RBFOX1: variants seen among roughly 807,000 people sequenced by gnomAD.
The protein encoded by RBFOX1 is RNA binding fox-1 homolog 1, also known as RNA binding protein fox-1 homolog 1.
Under a neutral mutation model 57.7 loss-of-function variants are expected in RBFOX1, and 8 were observed. The observed-to-expected ratio is 0.14, with a 90% CI of 0.08 to 0.25. RBFOX1 has a LOEUF of 0.25. Among genes scored for constraint, RBFOX1 ranks in the 10% least tolerant of loss-of-function variants. The pLI is 1.00. For synonymous variants in RBFOX1, 326 were observed against 222.4 expected (o/e 1.47, Z -4.15); for missense variants, 611 against 548.5 (o/e 1.11, Z -1.14).
chr16:5,365,746 C>A, intron 1 of RBFOX1: 2 of 453,116 alleles, frequency 4.4e-6, no homozygotes, highest in South Asian at 1.7e-5. Context: ...GAGCAGTGGT[C>A]ATTTATCTCT....
chr16:7,362,637 C>T (rs117239172), intron 4 of RBFOX1, among the ~76,000 whole-genome samples: 18 of 149,816 alleles, frequency 1.2e-4, no homozygotes, highest in Non-Finnish European at 1.9e-4. Flanking sequence ...GTGTTTTGTG[C>T]GTATCTTAGT....
chr16:5,886,827 G>T (rs753384001), intron 4 of RBFOX1, among the ~76,000 whole-genome samples: 4 of 152,232 alleles, frequency 2.6e-5, no homozygotes, highest in Non-Finnish European at 4.4e-5. Context: ...GGTGGAGGTT[G>T]CAGTGAGCCG....
chr16:5,259,330 G>T (rs1409669909), intron 1 of RBFOX1, among the ~76,000 whole-genome samples: 2 of 152,136 alleles, frequency 1.3e-5, no homozygotes, highest in Non-Finnish European at 2.9e-5. Flanking sequence ...GGCTCAGCTA[G>T]GACCTATGTT....
At chr16:7,667,848 ATT>A (rs1268231296) in intron 13 of RBFOX1, among the ~76,000 whole-genome samples, 1 of 151,812 alleles carries the variant, frequency 6.6e-6, no homozygotes, top group Non-Finnish European at 1.5e-5. Flanking sequence ...TAATTTTTGT[ATT>A]TTTAGTAAAG....
chr16:7,473,805 A>T (rs4141145), intron 4 of RBFOX1, among the ~76,000 whole-genome samples: 1 of 152,058 alleles, frequency 6.6e-6, no homozygotes, highest in South Asian at 2.1e-4. Context: ...ATTCTCATCT[A>T]CTAATTGCTT....
rs140798369 is a variant in RBFOX1 at position 6,104,204 on chromosome 16, A to T, written c.-127+84212A>T. ...GACAATAATTGTATATGTTTGTAGG[A>T]TACAATGTGATGTTTTGCTATCTGT... is the stretch of plus-strand genomic sequence containing the variant. On this transcript the variant is annotated intron_variant, in intron 1 of 15. Transcript: ENST00000550418. Among the ~76,000 whole-genome samples, 16 of 152,236 alleles carry T rather than the reference A, an allele frequency of 1.1e-4. No homozygotes were observed. The East Asian group carries it at 2.3e-3, about 22-fold the overall frequency.
intron 3 of RBFOX1, among the ~76,000 whole-genome samples, chr16:6,688,838 C>A (rs2059813585): frequency 6.6e-6 from 1 of 152,106 alleles, no homozygotes; most frequent in Non-Finnish European, 1.5e-5. Context: ...CTCCCTGTGT[C>A]CATGTGTTCT....
chr16:6,557,749 T>C (rs545599079), intron 2 of RBFOX1, among the ~76,000 whole-genome samples: 2 of 152,334 alleles, frequency 1.3e-5, no homozygotes, highest in South Asian at 2.1e-4. Flanking sequence ...ATAAATTGAT[T>C]TGCTGTGAAA....
At chr16:6,847,731 T>C (rs1294802307) in intron 3 of RBFOX1, among the ~76,000 whole-genome samples, 1 of 152,184 alleles carries the variant, frequency 6.6e-6, no homozygotes, top group Non-Finnish European at 1.5e-5. Flanking sequence ...AACCTGTGAA[T>C]GCTTACACAT....
At chr16:5,679,111 G>A (rs1225821799) in intron 3 of RBFOX1, among the ~76,000 whole-genome samples, 1 of 152,162 alleles carries the variant, frequency 6.6e-6, no homozygotes, top group Non-Finnish European at 1.5e-5. Context: ...GCAATACATA[G>A]CTGTTCAGCT....
intron 4 of RBFOX1, among the ~76,000 whole-genome samples, chr16:5,973,597 G>GGCCTAGTCAACCT (rs2060005498): frequency 6.6e-6 from 1 of 152,256 alleles, no homozygotes; most frequent in African/African-American, 2.4e-5. Context: ...GTGTCAGGTT[G>GGCCTAGTCAACCT]ACTAGGCCAT....
At chr16:5,727,744 G>C (rs1291534239) in intron 3 of RBFOX1, among the ~76,000 whole-genome samples, 1 of 152,184 alleles carries the variant, frequency 6.6e-6, no homozygotes, top group Admixed American at 6.5e-5. Context: ...GTTGAGTACA[G>C]TGGTGTTATC....
intron 4 of RBFOX1, among the ~76,000 whole-genome samples, chr16:7,409,959 C>G (rs1780768474): frequency 6.6e-6 from 1 of 152,162 alleles, no homozygotes; most frequent in Non-Finnish European, 1.5e-5. Context: ...GCTGACATTT[C>G]TCTAACAGTG....
chr16:6,957,235 C>T (rs1228064716), intron 3 of RBFOX1, among the ~76,000 whole-genome samples: 1 of 151,494 alleles, frequency 6.6e-6, no homozygotes, highest in Admixed American at 6.6e-5. Flanking sequence ...GGGTTCACGC[C>T]ATTCTCCTGC....
chr16:5,386,709 C>T (rs1474462277), intron 1 of RBFOX1, among the ~76,000 whole-genome samples: 1 of 152,118 alleles, frequency 6.6e-6, no homozygotes, highest in Non-Finnish European at 1.5e-5. Context: ...CTCCTTGATT[C>T]CCCCAGCAGG....
chr16:5,503,044 A>G (rs997126442), intron 2 of RBFOX1, among the ~76,000 whole-genome samples: 3 of 152,230 alleles, frequency 2.0e-5, no homozygotes, highest in East Asian at 1.9e-4. Context: ...CAGATGCCCC[A>G]TGCAAGTGTG....
At chr16:7,175,456 G>T (rs995878213) in intron 4 of RBFOX1, among the ~76,000 whole-genome samples, 7 of 152,140 alleles carry the variant, frequency 4.6e-5, no homozygotes, top group Non-Finnish European at 1.0e-4. Context: ...CCCCTTTAAC[G>T]TGGATTCAGA....
intron 4 of RBFOX1, among the ~76,000 whole-genome samples, chr16:7,385,499 C>G (rs566849604): frequency 2.0e-5 from 3 of 152,232 alleles, no homozygotes; most frequent in African/African-American, 2.4e-5. Context: ...ATGGAGGTAT[C>G]TCAAATAGAA....
At chr16:5,439,487 G>T (rs756550305) in intron 1 of RBFOX1, among the ~76,000 whole-genome samples, 5 of 152,074 alleles carry the variant, frequency 3.3e-5, no homozygotes, top group African/African-American at 4.8e-5. Context: ...GTTTGGACTG[G>T]GTGGAACTGG....
Sources: gnomAD v4.1 joint callset for allele counts (sites outside exome capture counted in the v4.1 genomes callset) on GRCh38, gnomAD v4.1.1 for gene constraint, MANE v1.5 for transcripts, NCBI Gene and HGNC (gene_info 2026-07-23, HGNC 2026-07-21) for gene names.